ERC2: variants seen among roughly 807,000 people sequenced by gnomAD.
ERC2 encodes ELKS/RAB6-interacting/CAST family member 2.
Under a neutral mutation model 114.8 loss-of-function variants are expected in ERC2, and 42 were observed. The observed-to-expected ratio is 0.37, with a 90% CI of 0.29 to 0.47. The LOEUF is 0.47. Among genes scored for constraint, ERC2 ranks in the 20% least tolerant of loss-of-function variants. The probability of loss-of-function intolerance (pLI) is 0.99; values close to 1 mark genes in which losing one functional copy is unlikely to be tolerated. For synonymous variants in ERC2, 454 were observed against 425.5 expected (o/e 1.07, Z -0.82); for missense variants, 939 against 1,150.7 (o/e 0.82, Z 2.66).
intron 2 of ERC2, among the ~76,000 whole-genome samples, chr3:56,351,483 T>C (rs952703595): frequency 6.6e-6 from 1 of 151,660 alleles, no homozygotes; most frequent in Non-Finnish European, 1.5e-5. Context: ...CAGGGCATCA[T>C]CACCTGAAAG....
intron 14 of ERC2, among the ~76,000 whole-genome samples, chr3:55,768,552 C>T (rs929790713): frequency 3.3e-5 from 5 of 152,170 alleles, no homozygotes; most frequent in African/African-American, 1.2e-4. Context: ...CAAAGAGTTA[C>T]AGGGGAGAGG....
intron 13 of ERC2, among the ~76,000 whole-genome samples, chr3:55,923,258 G>A (rs565751799): frequency 1.4e-4 from 21 of 152,048 alleles, no homozygotes; most frequent in Non-Finnish European, 2.2e-4. Flanking sequence ...TGAAGACATC[G>A]AGTTAAGTGA....
chr3:56,201,733 A>G (rs1478145423), intron 3 of ERC2, among the ~76,000 whole-genome samples: 1 of 152,236 alleles, frequency 6.6e-6, no homozygotes, highest in Non-Finnish European at 1.5e-5. Flanking sequence ...AAGACAATAT[A>G]TAACTATCGG....
At chr3:55,561,594 A>G (rs753000412) in intron 17 of ERC2, among the ~76,000 whole-genome samples, 35 of 152,154 alleles carry the variant, frequency 2.3e-4, no homozygotes, top group Non-Finnish European at 2.8e-4. Flanking sequence ...CCTAATTTTG[A>G]TGGGGAATGA....
At chr3:56,405,925 C>T (rs1278498197) in intron 2 of ERC2, among the ~76,000 whole-genome samples, 8 of 122,794 alleles carry the variant, frequency 6.5e-5, no homozygotes, top group African/African-American at 2.2e-4. Flanking sequence ...TAGAGTCTCA[C>T]TCTGTCACCC....
chr3:56,125,436 C>T (rs2079814265), intron 6 of ERC2, among the ~76,000 whole-genome samples: 1 of 152,156 alleles, frequency 6.6e-6, no homozygotes, highest in South Asian at 2.1e-4. Flanking sequence ...AATCGTGTGG[C>T]CATCATCTGT....
At chr3:55,980,106 G>GACAA in intron 12 of ERC2, among the ~76,000 whole-genome samples, 1 of 81,282 alleles carries the variant, frequency 1.2e-5, no homozygotes, top group South Asian at 4.4e-4. Flanking sequence ...GTGTAAATTA[G>GACAA]AAAAAAAAAA....
chr3:55,615,398 A>G (rs1028474766), intron 17 of ERC2, among the ~76,000 whole-genome samples: 6 of 152,200 alleles, frequency 3.9e-5, no homozygotes, highest in Non-Finnish European at 7.3e-5. Context: ...TATTTGATAG[A>G]GAAACTCCAA....
chr3:55,613,648 A>G (rs1042658675), intron 17 of ERC2, among the ~76,000 whole-genome samples: 5 of 152,058 alleles, frequency 3.3e-5, no homozygotes, highest in Non-Finnish European at 5.9e-5. Context: ...TGGGAAGTGA[A>G]GAAGTCGGGA....
intron 2 of ERC2, among the ~76,000 whole-genome samples, chr3:56,315,011 G>A (rs961638713): frequency 6.6e-6 from 1 of 152,196 alleles, no homozygotes; most frequent in African/African-American, 2.4e-5. Flanking sequence ...TTCCACACTG[G>A]AGTCAAATGT....
chr3:55,993,892 A>T (rs2071278193), intron 10 of ERC2, among the ~76,000 whole-genome samples: 1 of 152,120 alleles, frequency 6.6e-6, no homozygotes, highest in African/African-American at 2.4e-5. Flanking sequence ...TATTTATCTA[A>T]TAATTTCATT....
intron 17 of ERC2, among the ~76,000 whole-genome samples, chr3:55,664,492 G>A (rs966021228): frequency 6.6e-6 from 1 of 152,182 alleles, no homozygotes; most frequent in Non-Finnish European, 1.5e-5. Flanking sequence ...TCCTGAGCCC[G>A]AGCTCACGAA....
chr3:56,370,102 G>A (rs1371794328), intron 2 of ERC2, among the ~76,000 whole-genome samples: 2 of 152,150 alleles, frequency 1.3e-5, no homozygotes, highest in African/African-American at 4.8e-5. Flanking sequence ...AAATTGCTAA[G>A]GCTGTATGTC....
intron 12 of ERC2, among the ~76,000 whole-genome samples, chr3:55,958,694 G>A (rs1259467999): frequency 1.3e-5 from 2 of 152,244 alleles, no homozygotes; most frequent in Non-Finnish European, 2.9e-5. Context: ...CAGGAAGCTG[G>A]AGTGTCAGTG....
chr3:56,154,178 G>T (rs370606364), intron 4 of ERC2, among the ~76,000 whole-genome samples: 1 of 152,092 alleles, frequency 6.6e-6, no homozygotes, highest in Non-Finnish European at 1.5e-5. Context: ...TGGGATGACC[G>T]TGGTTATATG....
intron 2 of ERC2, among the ~76,000 whole-genome samples, chr3:56,419,023 C>A (rs1226431983): frequency 6.6e-6 from 1 of 152,180 alleles, no homozygotes; most frequent in Non-Finnish European, 1.5e-5. Flanking sequence ...CTACCCATAA[C>A]CAACAAGATA....
chr3:55,957,950 C>T (rs541093749), intron 12 of ERC2, among the ~76,000 whole-genome samples: 7 of 152,320 alleles, frequency 4.6e-5, no homozygotes, highest in African/African-American at 1.4e-4. Flanking sequence ...TCCTTCTCAC[C>T]GCCCACTATA....
At chr3:55,593,574 AAGAG>A (rs962664902) in intron 17 of ERC2, among the ~76,000 whole-genome samples, 1 of 152,138 alleles carries the variant, frequency 6.6e-6, no homozygotes, top group Non-Finnish European at 1.5e-5. Context: ...ACTTTCCCTT[AAGAG>A]AAAGTCAAGT....
intron 14 of ERC2, among the ~76,000 whole-genome samples, chr3:55,822,568 CTTT>C (rs202173599): frequency 2.2e-5 from 3 of 137,070 alleles, no homozygotes. Context: ...TCTTTTTTTT[CTTT>C]TTTTTTTTTT....
Sources: allele counts gnomAD v4.1 joint callset (sites outside exome capture counted in the v4.1 genomes callset), GRCh38; gene constraint gnomAD v4.1.1; transcripts MANE v1.5; gene names NCBI Gene and HGNC (gene_info 2026-07-23, HGNC 2026-07-21).